COL27A1: variants seen among roughly 807,000 people sequenced by gnomAD.
COL27A1 encodes collagen type XXVII alpha 1 chain, also known as collagen alpha-1(XXVII) chain.
COL27A1 carries 106 observed loss-of-function variants against 251.3 expected under a neutral mutation model. The observed-to-expected ratio is 0.42, with a 90% CI of 0.36 to 0.50. COL27A1 has a LOEUF of 0.50. COL27A1 is among the 20% of genes least tolerant of loss of function. COL27A1 has a pLI of 0.00. For synonymous variants in COL27A1, 1,000 were observed against 986.3 expected (o/e 1.01, Z -0.26); for missense variants, 2,325 against 2,522.8 (o/e 0.92, Z 1.68).
At position 114,245,853 on chromosome 9, in the gene COL27A1, T is replaced by C. The variant is rs763535459; in HGVS notation, c.2935-13T>C. On this transcript the variant is annotated splice_polypyrimidine_tract_variant and intron_variant, in intron 23 of 60. Coordinates refer to ENST00000356083, the MANE Select transcript of COL27A1 (RefSeq NM_032888.4). ...TCCCATCCCAATCCATCCTCCTCTTTGTCTCTTTGCAGGGGGAACCAGGGG... is the reference window on the plus strand; with the variant it reads ...TCCCATCCCAATCCATCCTCCTCTTCGTCTCTTTGCAGGGGGAACCAGGGG... 1.2e-6 allele frequency: 2 copies of C among 1,613,378 alleles called. No individual in the cohort carries two copies. Among genetic ancestry groups the C allele is most frequent in the Admixed American group, 3.3e-5 (2 of 59,956 alleles).
intron 58 of COL27A1, chr9:114,307,407 C>A: frequency 6.9e-6 from 3 of 435,680 alleles, no homozygotes; most frequent in Non-Finnish European, 8.3e-6. Flanking sequence ...GTTGTCTTCT[C>A]TGTAAAATGG....
intron 27 of COL27A1, among the ~76,000 whole-genome samples, chr9:114,255,848 A>G (rs1482225521): frequency 6.6e-6 from 1 of 152,068 alleles, no homozygotes; most frequent in East Asian, 1.9e-4. Flanking sequence ...TGGGGGTGAA[A>G]TTCTGGCTCC....
At chr9:114,162,874 A>G (rs1198875677) in intron 2 of COL27A1, 89 bp downstream of exon 2, 29 of 862,910 alleles carry the variant, frequency 3.4e-5, no homozygotes, top group Non-Finnish European at 4.9e-5. Context: ...CGTGCCTGTA[A>G]TTGGAACTCA....
intron 60 of COL27A1, among the ~76,000 whole-genome samples, chr9:114,310,186 TATTC>T (rs2131703411): frequency 6.6e-6 from 1 of 152,188 alleles, no homozygotes; most frequent in African/African-American, 2.4e-5. Flanking sequence ...CTAAAGAACT[TATTC>T]ATGTACCCAA....
chr9:114,296,548 A>G (rs980987039), intron 49 of COL27A1, among the ~76,000 whole-genome samples: 3 of 152,254 alleles, frequency 2.0e-5, no homozygotes. Context: ...TAAAAGACTA[A>G]CCATACCAAG....
In COL27A1 at chr9:114,194,473, C is replaced by G. The variant is rs1359722839; in HGVS notation, c.2070+16C>G. The G allele has an allele frequency of 6.2e-7, 1 of 1,607,168 alleles. No individual in the cohort carries two copies. Among genetic ancestry groups the G allele is most frequent in the East Asian group, 2.2e-5 (1 of 44,758 alleles). Reference sequence around the variant, plus strand: ...TGGGGCAAAGGTAGGTTTCCAGGGACCCCAGTTCTCAGGGAAGAGGGGAGT... The same window carrying G: ...TGGGGCAAAGGTAGGTTTCCAGGGAGCCCAGTTCTCAGGGAAGAGGGGAGT... On this transcript the variant is annotated intron_variant, in intron 6 of 60. Transcript: ENST00000356083.
intron 36 of COL27A1, chr9:114,272,417 C>G (rs2636867): frequency 0.56 from 85,453 of 152,182 alleles, 24,225 homozygotes; most frequent in Middle Eastern, 0.61. Flanking sequence ...CCCTTCAAAG[C>G]CAATTCTACC....
At chr9:114,161,033 T>C (rs1201900350) in intron 1 of COL27A1, among the ~76,000 whole-genome samples, 2 of 152,192 alleles carry the variant, frequency 1.3e-5, no homozygotes, top group African/African-American at 2.4e-5. Context: ...TAAGGGGGGT[T>C]ATTCCCATAT....
intron 14 of COL27A1, 90 bp from the exon 15 acceptor site, chr9:114,230,989 C>G (rs959926684): frequency 9.2e-7 from 1 of 1,083,940 alleles, no homozygotes; most frequent in South Asian, 1.5e-5. Flanking sequence ...GAAGCCCAGG[C>G]CCAGGGACCT....
chr9:114,289,964 G>A (rs1176569994), intron 45 of COL27A1, 94 bp from the exon 46 acceptor site: 6 of 1,378,088 alleles, frequency 4.4e-6, no homozygotes, highest in Non-Finnish European at 6.2e-6. Flanking sequence ...TGTTCACCCA[G>A]GGGCCCACAA....
chr9:114,301,073 G>C lies in COL27A1; in HGVS notation c.4703G>C (p.Gly1568Ala). 6.2e-7 allele frequency: 1 copy of C among 1,608,698 alleles called. No homozygotes were observed. Among genetic ancestry groups the C allele is most frequent in the Non-Finnish European group, 8.5e-7 (1 of 1,177,222 alleles). ...QGPRGPPGLM[G>A]KEGIVGPLGI... ...CATGAGCCTTTCTGTCTCCTTTAGG[G>C]AAAGGAAGGCATCGTCGGGCCCCTC... The change falls in exon 52 of 61, where the codon GGA (glycine) becomes GCA (alanine). Residue 1568 changes from glycine to alanine, a missense_variant and splice_region_variant. Coordinates refer to ENST00000356083, the MANE Select transcript of COL27A1 (RefSeq NM_032888.4).
At chr9:114,282,153 G>T in intron 37 of COL27A1, 124 bp from the exon 38 acceptor site, 1 of 780,870 alleles carries the variant, frequency 1.3e-6, no homozygotes, top group Non-Finnish European at 2.2e-6. Flanking sequence ...GGTACTGGGT[G>T]GCAGAATCAG....
chr9:114,228,223 A>G (rs529688276), intron 14 of COL27A1, among the ~76,000 whole-genome samples: 3 of 152,288 alleles, frequency 2.0e-5, no homozygotes, highest in African/African-American at 7.2e-5. Flanking sequence ...CCTGCACTGA[A>G]TTCAGTCCCA....
chr9:114,275,007 C>T (rs566817940), intron 36 of COL27A1, among the ~76,000 whole-genome samples: 24 of 150,760 alleles, frequency 1.6e-4, no homozygotes, highest in African/African-American at 5.8e-4. Context: ...GGGAGAATTG[C>T]TTGAGCCCAG....
chr9:114,237,173 A>T, intron 18 of COL27A1, 139 bp downstream of exon 18: 1 of 771,926 alleles, frequency 1.3e-6, no homozygotes, highest in Admixed American at 3.0e-5. Context: ...CAGGGCAGGA[A>T]TGGGATGTGC....
Position 114,275,664 on chromosome 9 carries a change from GA to G in COL27A1, c.3614del (p.Asp1205AlafsTer19). ...GPMGPDGLKG[D>X]RGDPGPDGEH... Reference sequence around the variant, plus strand: ...CTCTTCATGCCCTGCCACCCAGGGGGACAGGGGAGACCCAGGGCCTGATGGA... The same window carrying G: ...CTCTTCATGCCCTGCCACCCAGGGGGCAGGGGAGACCCAGGGCCTGATGGA... On this transcript the variant is annotated frameshift_variant, in exon 37 of 61. Transcript: ENST00000356083. LOFTEE classifies it high-confidence loss of function. 1.9e-6 allele frequency: 3 copies of G among 1,547,914 alleles called. No individual in the cohort carries two copies. The highest frequency in any genetic ancestry group is 2.6e-6 in the Non-Finnish European group (3 of 1,145,192).
rs748323262 is a variant in COL27A1, at chr9:114,240,267, C to A, written c.2775C>A (p.Gly925=). 6.2e-7 allele frequency: 1 copy of A among 1,600,526 alleles called. No individual in the cohort carries two copies. Among genetic ancestry groups the A allele is most frequent in the Non-Finnish European group, 8.5e-7 (1 of 1,173,358 alleles). The change falls in exon 20 of 61, where the codon GGC becomes GGA. Residue 925 remains glycine (G), a synonymous_variant. Coordinates refer to ENST00000356083, the MANE Select transcript of COL27A1 (RefSeq NM_032888.4). ...IGPPGDNGPE[G]MKGKPGARGL... The stretch of plus-strand genomic sequence containing the variant: ...CCCCTGGCGACAATGGCCCAGAAGG[C>A]ATGAAGGTGAGTACCTGCCCAGGGC...
Position 114,168,930 on chromosome 9 carries a change from C to A in COL27A1, c.1375C>A (p.Arg459=). 4 of 1,614,114 alleles carry A rather than the reference C, an allele frequency of 2.5e-6. No homozygotes were observed. Among genetic ancestry groups the A allele is most frequent in the Non-Finnish European group, 3.4e-6 (4 of 1,180,016 alleles). Residue 459 remains arginine, a synonymous_variant, in exon 3 of 61, where the codon CGG becomes AGG. Transcript: ENST00000356083. The part of the protein sequence containing the change: ...SSKKPIPTLA[R]TEAKITSHAS... The stretch of plus-strand genomic sequence containing the variant: ...TAAAAAACCCATTCCCACACTAGCT[C>A]GGACTGAGGCCAAGATAACCAGCCA...
chr9:114,168,052 G>A lies in COL27A1; in HGVS notation c.497G>A (p.Arg166His), dbSNP rs770533328. The A allele has an allele frequency of 2.2e-5, 36 of 1,607,388 alleles. No individual in the cohort carries two copies. The highest frequency in any genetic ancestry group is 5.3e-5 in the African/African-American group (4 of 74,926). Residue 166 changes from arginine to histidine, a missense_variant, in exon 3 of 61, where the codon CGC becomes CAC. Arg to His is a conservative substitution (Grantham distance 29). Transcript: ENST00000356083. The stretch of plus-strand genomic sequence containing the variant: ...CACCTGGCCCTCGAGCTCCGAGGCC[G>A]CACAGTCACTCTGGTGACTGCCTGC... Reference protein sequence around the residue: ...WHHLALELRGRTVTLVTACGQ... With the variant: ...WHHLALELRGHTVTLVTACGQ...
Sources: allele counts gnomAD v4.1 joint callset (sites outside exome capture counted in the v4.1 genomes callset), GRCh38; gene constraint gnomAD v4.1.1; transcripts MANE v1.5; gene names NCBI Gene and HGNC (gene_info 2026-07-23, HGNC 2026-07-21).